Variants in RXFP2 observed in about 807,000 individuals in gnomAD.
RXFP2 encodes relaxin receptor 2.
A neutral mutation model predicts 88.6 loss-of-function variants in RXFP2; 68 were observed. That is an observed-to-expected ratio of 0.77 (90% CI 0.63 to 0.94). The LOEUF (loss-of-function observed/expected upper bound fraction) is 0.94. Ranked by LOEUF, RXFP2 falls within the 40% of genes least tolerant of loss-of-function variation. The pLI is 0.00. For missense variants in RXFP2, 791 were observed against 893.9 expected (o/e 0.88, Z 1.47); for synonymous variants, 329 against 306.8 (o/e 1.07, Z -0.76).
intron 11 of RXFP2, among the ~76,000 whole-genome samples, chr13:31,784,524 G>A (rs1873435502): frequency 6.6e-6 from 1 of 152,022 alleles, no homozygotes. Context: ...CATTTTCTAG[G>A]TGTATGAAAT....
rs191984254 is a variant in RXFP2, at chr13:31,772,661, C to G, written c.498-1959C>G. ...AGCAGCCTAAGTCTGAGACATGGAA[C>G]GTAGGAGGGACTACAGTTCTCTATG... On this transcript the variant is annotated intron_variant, in intron 5 of 17. Coordinates refer to ENST00000298386, the MANE Select transcript of RXFP2 (RefSeq NM_130806.5). Among the ~76,000 whole-genome samples, 5 of 152,120 alleles carry G rather than the reference C, an allele frequency of 3.3e-5. No individual in the cohort carries two copies. The South Asian group carries it at 1.0e-3, about 31-fold the overall frequency.
chr13:31,777,668 A>G (rs1179594351), intron 8 of RXFP2, among the ~76,000 whole-genome samples: 1 of 152,146 alleles, frequency 6.6e-6, no homozygotes, highest in Non-Finnish European at 1.5e-5. Flanking sequence ...TAAGCCTACT[A>G]GTTGATTTTT....
rs562760376 is a variant in RXFP2 at position 31,778,751 on chromosome 13, G to A, written c.785+168G>A. Among the ~76,000 whole-genome samples the A allele has an allele frequency of 4.6e-5, 7 of 152,268 alleles. No individual in the cohort carries two copies. In the East Asian group the frequency reaches 1.3e-3, roughly 29 times the overall value. On this transcript the variant is annotated intron_variant, in intron 9 of 17. Transcript: ENST00000298386. ...AATTATTTGAGGGTTCCCAAAGGGT[G>A]AGGGTAAAGTTTGACCTTCCCTTTG... is the stretch of plus-strand genomic sequence containing the variant.
At position 31,796,038 on chromosome 13, in the gene RXFP2, CTTTTTTTTTTTT is replaced by C. The variant is rs776535132; in HGVS notation, c.1787-1145_1787-1134del. 6.5e-4 allele frequency among the ~76,000 whole-genome samples: 24 copies of C among 36,964 alleles called. 1 individual carries two copies. The highest frequency in any genetic ancestry group is 8.2e-4 in the Non-Finnish European group (17 of 20,722). The allele number at this position is 36,964 out of a possible 152,430, so 24.2% of individuals were successfully genotyped here. ...ATACATTTTTGTTCTATGTGTTATT[CTTTTTTTTTTTT>C]TTTTTTTTTTTTTTTTTGAGACGGA... On this transcript the variant is annotated intron_variant, in intron 16 of 17. Coordinates refer to ENST00000298386, the MANE Select transcript of RXFP2 (RefSeq NM_130806.5).
chr13:31,746,030 G>A (rs370582672), intron 1 of RXFP2, among the ~76,000 whole-genome samples: 38 of 152,262 alleles, frequency 2.5e-4, no homozygotes, highest in African/African-American at 8.9e-4. Context: ...TTTGGCCTTC[G>A]GCATACCAAA....
chr13:31,743,542 C>T (rs1387179975), intron 1 of RXFP2, among the ~76,000 whole-genome samples: 8 of 151,982 alleles, frequency 5.3e-5, no homozygotes, highest in Non-Finnish European at 1.2e-4. Flanking sequence ...GCCTTTACAA[C>T]ATGTTCAATG....
chr13:31,760,939 T>A (rs1872274273), intron 2 of RXFP2, among the ~76,000 whole-genome samples: 1 of 152,112 alleles, frequency 6.6e-6, no homozygotes. Context: ...GGAAATGTTA[T>A]TTTACTCAAA....
chr13:31,744,903 T>A (rs1449611531), intron 1 of RXFP2, among the ~76,000 whole-genome samples: 1 of 152,176 alleles, frequency 6.6e-6, no homozygotes, highest in Non-Finnish European at 1.5e-5. Flanking sequence ...GCGTGGTGAC[T>A]CACACCTGTA....
chr13:31,782,895 C>T (rs1873353305), intron 11 of RXFP2, 148 bp downstream of exon 11: 3 of 640,424 alleles, frequency 4.7e-6, no homozygotes, highest in Non-Finnish European at 8.4e-6. Flanking sequence ...CCAACATTAT[C>T]CTGAAGTCCA....
intron 1 of RXFP2, among the ~76,000 whole-genome samples, chr13:31,757,383 C>T (rs1872006428): frequency 6.6e-6 from 1 of 152,210 alleles, no homozygotes; most frequent in Non-Finnish European, 1.5e-5. Flanking sequence ...ATCGCCCATA[C>T]ATAGGCTGGC....
In RXFP2 at chr13:31,759,190, A is replaced by T. The variant is rs1872129400; in HGVS notation, c.241+786A>T. On this transcript the variant is annotated intron_variant, in intron 2 of 17. Coordinates refer to ENST00000298386, the MANE Select transcript of RXFP2 (RefSeq NM_130806.5). ...GAGCTCAAGGGAGACAAGTGTCTTG[A>T]CCTTGTGGAGTTCACATGGGTAATG... is the stretch of plus-strand genomic sequence containing the variant. Among the ~76,000 whole-genome samples the T allele has an allele frequency of 2.6e-5, 4 of 151,910 alleles. No homozygotes were observed. The South Asian group carries it at 8.3e-4, about 32-fold the overall frequency.
chr13:31,747,474 G>A (rs1188187782), intron 1 of RXFP2, among the ~76,000 whole-genome samples: 2 of 152,216 alleles, frequency 1.3e-5, no homozygotes, highest in African/African-American at 4.8e-5. Context: ...GCAGATGTAT[G>A]CCCAAGTTTG....
chr13:31,801,751 A>T (rs1874356742), intron 17 of RXFP2, among the ~76,000 whole-genome samples: 1 of 152,218 alleles, frequency 6.6e-6, no homozygotes, highest in Non-Finnish European at 1.5e-5. Context: ...CCAAGGTCAG[A>T]TCTGGCTTGG....
chr13:31,761,590 A>C, intron 2 of RXFP2, 134 bp from the exon 3 acceptor site: 2 of 657,844 alleles, frequency 3.0e-6, no homozygotes, highest in Admixed American at 2.1e-5. Context: ...TTTCTCTCTT[A>C]CTATGTATTT....
At chr13:31,752,786 G>A (rs1019429936) in intron 1 of RXFP2, among the ~76,000 whole-genome samples, 1 of 152,206 alleles carries the variant, frequency 6.6e-6, no homozygotes, top group Non-Finnish European at 1.5e-5. Flanking sequence ...GCCCGGGACA[G>A]TGCTGCTGCC....
At chr13:31,782,060 G>C (rs937210972) in intron 10 of RXFP2, among the ~76,000 whole-genome samples, 1 of 152,014 alleles carries the variant, frequency 6.6e-6, no homozygotes, top group African/African-American at 2.4e-5. Context: ...AAAGGGGTTA[G>C]CTGTACAATG....
chr13:31,769,891 T>C (rs1229628205), intron 5 of RXFP2, among the ~76,000 whole-genome samples: 2 of 152,176 alleles, frequency 1.3e-5, no homozygotes, highest in South Asian at 2.1e-4. Context: ...TAGTCACTAC[T>C]CCTCTCATAA....
chr13:31,777,565 C>A, intron 8 of RXFP2, 118 bp downstream of exon 8: 1 of 724,212 alleles, frequency 1.4e-6, no homozygotes, highest in Non-Finnish European at 2.4e-6. Flanking sequence ...TTAGTCAAAA[C>A]TTCTCCTGTG....
intron 2 of RXFP2, among the ~76,000 whole-genome samples, chr13:31,760,379 C>T (rs948645835): frequency 6.6e-6 from 1 of 152,200 alleles, no homozygotes; most frequent in Non-Finnish European, 1.5e-5. Flanking sequence ...GCATGAGCCA[C>T]TGCGCTTGGC....
Sources: allele counts gnomAD v4.1 joint callset (sites outside exome capture counted in the v4.1 genomes callset), GRCh38; gene constraint gnomAD v4.1.1; transcripts MANE v1.5; gene names NCBI Gene and HGNC (gene_info 2026-07-23, HGNC 2026-07-21).